The following HSF2BP variants were observed in gnomAD, a reference collection of about 807,000 sequenced individuals.
HSF2BP encodes heat shock factor 2-binding protein.
HSF2BP carries 35 observed loss-of-function variants against 35.0 expected under a neutral mutation model. The ratio of observed to expected loss-of-function variants is 1.00; its 90% CI spans 0.76 to 1.32. The LOEUF (loss-of-function observed/expected upper bound fraction) is 1.32. Among genes scored for constraint, HSF2BP ranks in the 40% most tolerant of loss-of-function variants. The pLI is 0.00. For missense variants in HSF2BP, 326 were observed against 321.7 expected (o/e 1.01, Z -0.10); for synonymous variants, 114 against 117.4 (o/e 0.97, Z 0.18).
chr21:43,610,052 G>C (rs2082184442), intron 7 of HSF2BP: 1 of 152,242 alleles, frequency 6.6e-6, no homozygotes, highest in African/African-American at 2.4e-5. Flanking sequence ...CATAAATATG[G>C]ACCTTGTACA....
intron 8 of HSF2BP, among the ~76,000 whole-genome samples, chr21:43,579,412 A>G (rs2081692305): frequency 6.6e-6 from 1 of 152,246 alleles, no homozygotes; most frequent in South Asian, 2.1e-4. Context: ...CTTTGATGCC[A>G]CAGATGCCAC....
chr21:43,632,515 C>G (rs191698312), intron 5 of HSF2BP, among the ~76,000 whole-genome samples: 15 of 150,002 alleles, frequency 1.0e-4, no homozygotes, highest in African/African-American at 3.7e-4. Flanking sequence ...ACCTTGAAAA[C>G]AAGGGTTTGA....
intron 7 of HSF2BP, among the ~76,000 whole-genome samples, chr21:43,609,039 G>A (rs1398971237): frequency 1.3e-5 from 2 of 152,138 alleles, no homozygotes; most frequent in Non-Finnish European, 2.9e-5. Context: ...CATCAACAGT[G>A]GATTGGATAA....
At chr21:43,584,182 T>G (rs1479865349) in intron 8 of HSF2BP, among the ~76,000 whole-genome samples, 1 of 149,636 alleles carries the variant, frequency 6.7e-6, no homozygotes, top group African/African-American at 2.5e-5. Context: ...CTGAGGGAGA[T>G]GAGGACCTGC....
At chr21:43,642,870 G>C (rs991776271) in intron 4 of HSF2BP, among the ~76,000 whole-genome samples, 1 of 143,532 alleles carries the variant, frequency 7.0e-6, no homozygotes, top group Admixed American at 7.4e-5. Flanking sequence ...CACGATTTCG[G>C]CTCACTGCAA....
At chr21:43,649,023 G>A (rs1456289838) in intron 3 of HSF2BP, among the ~76,000 whole-genome samples, 1 of 151,890 alleles carries the variant, frequency 6.6e-6, no homozygotes, top group Non-Finnish European at 1.5e-5. Flanking sequence ...TTAACATTTT[G>A]TTTGCCTCAT....
chr21:43,463,510 TA>T, the HSF2BP span: 19 of 123,988 alleles, frequency 1.5e-4, no homozygotes, highest in African/African-American at 5.2e-4. Context: ...AAAAGGAGAA[TA>T]ATTAGGCCAA....
rs1460404430 is a variant in HSF2BP, at chr21:43,597,243, A to G, written c.693-4915T>C. On this transcript the variant is annotated intron_variant, in intron 7 of 8. Coordinates refer to ENST00000291560, the MANE Select transcript of HSF2BP (RefSeq NM_007031.2). The surrounding 1 kb of genome is among the most constrained non-coding windows in gnomAD (Gnocchi z 4.3). ...GAGAGCCAGAGCTCAGGTATGAGTC[A>G]GGCAAAGCTGACAGCCAGCTAGGAC... Among the ~76,000 whole-genome samples, 2 of 152,202 alleles carry G rather than the reference A, an allele frequency of 1.3e-5. No homozygotes were observed. The highest frequency in any genetic ancestry group is 1.9e-4 in the East Asian group (1 of 5,194).
At chr21:43,630,893 A>G (rs988788801) in intron 5 of HSF2BP, among the ~76,000 whole-genome samples, 1 of 152,174 alleles carries the variant, frequency 6.6e-6, no homozygotes, top group Non-Finnish European at 1.5e-5. Context: ...AATCTTCATC[A>G]CTTGGCAAAA....
intron 6 of HSF2BP, among the ~76,000 whole-genome samples, chr21:43,616,592 G>A (rs1011400174): frequency 3.3e-5 from 5 of 151,900 alleles, no homozygotes; most frequent in East Asian, 1.9e-4. Flanking sequence ...GCAGTAAGCC[G>A]AGATTGCACT....
chr21:43,578,530 G>C (rs757892594), intron 8 of HSF2BP, among the ~76,000 whole-genome samples: 1 of 152,176 alleles, frequency 6.6e-6, no homozygotes, highest in Non-Finnish European at 1.5e-5. Context: ...ATTCTACACA[G>C]ACACAACCAA....
chr21:43,630,463 T>C lies in HSF2BP; in HGVS notation c.442-9A>G, dbSNP rs1461680860. 1 of 1,607,190 alleles carries C rather than the reference T, an allele frequency of 6.2e-7. No individual in the cohort carries two copies. The highest frequency in any genetic ancestry group is 1.7e-5 in the Admixed American group (1 of 58,272). On this transcript the variant is annotated splice_polypyrimidine_tract_variant and intron_variant, in intron 5 of 8. Coordinates refer to ENST00000291560, the MANE Select transcript of HSF2BP (RefSeq NM_007031.2). ...AACTTCAAAGCTTTATCCTGAAAGT[T>C]TGAAAATCAGAGTGTCATATCTTTT... is the stretch of plus-strand genomic sequence containing the variant.
At chr21:43,655,719 A>G (rs941932676) in intron 3 of HSF2BP, among the ~76,000 whole-genome samples, 2 of 152,204 alleles carry the variant, frequency 1.3e-5, no homozygotes, top group Non-Finnish European at 1.5e-5. Context: ...TACCTCCCAG[A>G]GCACACCACA....
intron 4 of HSF2BP, among the ~76,000 whole-genome samples, chr21:43,641,362 GTTGC>G: frequency 6.6e-6 from 1 of 152,128 alleles, no homozygotes. Context: ...AAGTTCAAAC[GTTGC>G]TACTGCCAGG....
chr21:43,574,298 G>A (rs1034069530), intron 8 of HSF2BP, among the ~76,000 whole-genome samples: 1 of 152,220 alleles, frequency 6.6e-6, no homozygotes, highest in African/African-American at 2.4e-5. Flanking sequence ...TCTACACGTT[G>A]GGTGATTATC....
At chr21:43,631,589 T>G (rs188504533) in intron 5 of HSF2BP, among the ~76,000 whole-genome samples, 88 of 152,244 alleles carry the variant, frequency 5.8e-4, no homozygotes, top group African/African-American at 2.0e-3. Flanking sequence ...ATCCTATCAC[T>G]TTTATTGAAA....
chr21:43,590,023 T>C (rs2081906553), intron 8 of HSF2BP, among the ~76,000 whole-genome samples: 1 of 152,192 alleles, frequency 6.6e-6, no homozygotes, highest in Admixed American at 6.5e-5. Flanking sequence ...AAAAGAATTA[T>C]AAACTTTATC....
chr21:43,648,137 T>G (rs1351105145), intron 3 of HSF2BP, among the ~76,000 whole-genome samples: 1 of 152,052 alleles, frequency 6.6e-6, no homozygotes, highest in Non-Finnish European at 1.5e-5. Flanking sequence ...TCTCTGTCCA[T>G]AAGCTCCCCA....
chr21:43,629,543 C>A (rs931476585), intron 6 of HSF2BP, among the ~76,000 whole-genome samples: 1 of 152,104 alleles, frequency 6.6e-6, no homozygotes, highest in African/African-American at 2.4e-5. Context: ...CCAGCCTGGG[C>A]AACAAGAGAA....
Sources: allele counts gnomAD v4.1 joint callset (sites outside exome capture counted in the v4.1 genomes callset), GRCh38; gene constraint gnomAD v4.1.1; non-coding constraint Gnocchi (gnomAD v3.1); transcripts MANE v1.5; gene names NCBI Gene and HGNC (gene_info 2026-07-23, HGNC 2026-07-21).